Variants in MED12L observed in about 807,000 individuals in gnomAD.
MED12L encodes mediator complex subunit 12L, also known as mediator of RNA polymerase II transcription subunit 12-like protein.
A neutral mutation model predicts 281.3 loss-of-function variants in MED12L; 60 were observed. The ratio of observed to expected loss-of-function variants is 0.21; its 90% CI spans 0.17 to 0.26. The LOEUF (loss-of-function observed/expected upper bound fraction) is 0.26, where lower values mean the gene tolerates loss of function less well. Among genes scored for constraint, MED12L ranks in the 10% least tolerant of loss-of-function variants. The probability of loss-of-function intolerance (pLI) is 1.00; values close to 1 mark genes in which losing one functional copy is unlikely to be tolerated. For synonymous variants in MED12L, 974 were observed against 987.2 expected (o/e 0.99, Z 0.25); for missense variants, 2,146 against 2,680.9 (o/e 0.80, Z 4.41).
rs900744099 is a variant in MED12L, at chr3:151,229,414, C to A, written c.2250+35748C>A. Among the ~76,000 whole-genome samples the A allele has an allele frequency of 2.6e-4, 36 of 140,542 alleles. 1 individual carries two copies. The highest frequency in any genetic ancestry group is 8.3e-4 in the African/African-American group (31 of 37,336). The allele number at this position is 140,542 out of a possible 152,430, so 92.2% of individuals were successfully genotyped here. ...CCTCGCCTCCCGGGTTCAAGCGATT[C>A]TCCTGCGTCAGCCTCCCGAGTAGCT... On this transcript the variant is annotated intron_variant, in intron 16 of 44. Coordinates refer to ENST00000687756, the MANE Select transcript of MED12L (RefSeq NM_001393769.1).
intron 16 of MED12L, among the ~76,000 whole-genome samples, chr3:151,242,081 G>A (rs1209600314): frequency 6.6e-6 from 1 of 150,862 alleles, no homozygotes; most frequent in African/African-American, 2.4e-5. Flanking sequence ...TAAAAAACGG[G>A]GCACCACGAG....
intron 11 of MED12L, among the ~76,000 whole-genome samples, chr3:151,175,785 C>T (rs760408790): frequency 2.6e-5 from 4 of 152,146 alleles, no homozygotes; most frequent in Non-Finnish European, 4.4e-5. Flanking sequence ...GCAAATCCCC[C>T]GATGTTGAAA....
chr3:151,099,207 A>G (rs1281808617), intron 2 of MED12L, among the ~76,000 whole-genome samples: 1 of 152,246 alleles, frequency 6.6e-6, no homozygotes, highest in East Asian at 1.9e-4. Flanking sequence ...TTTGGATGGC[A>G]GAATCAATAA....
intron 16 of MED12L, among the ~76,000 whole-genome samples, chr3:151,210,520 C>G (rs184611890): frequency 5.9e-5 from 9 of 152,288 alleles, no homozygotes; most frequent in Admixed American, 2.0e-4. Context: ...TTACTCTTAT[C>G]TCAAATATTC....
rs149681093 is a variant in MED12L at position 151,168,172 on chromosome 3, G to A, written c.1494+2190G>A. 2.2e-3 allele frequency among the ~76,000 whole-genome samples: 341 copies of A among 152,276 alleles called. 1 individual carries two copies. Among genetic ancestry groups the A allele is most frequent in the Middle Eastern group, 6.8e-3 (2 of 294 alleles). On this transcript the variant is annotated intron_variant, in intron 11 of 44. Transcript: ENST00000687756. ...TTTCTGAATGAAATCACACTGTGAG[G>A]TTCTTTGTAAATCACAGATATCTCC...
At chr3:151,247,898 A>C (rs1272451085) in intron 16 of MED12L, among the ~76,000 whole-genome samples, 1 of 147,808 alleles carries the variant, frequency 6.8e-6, no homozygotes, top group Non-Finnish European at 1.5e-5. Flanking sequence ...CTTATAATGT[A>C]TTCAGAAGAC....
chr3:151,238,308 G>A (rs1226485483), intron 16 of MED12L, among the ~76,000 whole-genome samples: 2 of 152,056 alleles, frequency 1.3e-5, no homozygotes, highest in Non-Finnish European at 2.9e-5. Context: ...CACCTTGGCC[G>A]GCTAATTTTT....
intron 16 of MED12L, among the ~76,000 whole-genome samples, chr3:151,206,642 C>CTTTTTTTTTTTTTTTTTTT (rs747558778): frequency 5.7e-5 from 4 of 70,316 alleles, no homozygotes; most frequent in African/African-American, 1.2e-4. Context: ...AACACATTAT[C>CTTTTTTTTTTTTTTTTTTT]TTTTTTTTTT....
At chr3:151,313,077 G>A (rs746666240) in intron 16 of MED12L, among the ~76,000 whole-genome samples, 2 of 152,102 alleles carry the variant, frequency 1.3e-5, no homozygotes, top group South Asian at 2.1e-4. Flanking sequence ...ATGTGCTGTC[G>A]CTGGAGTGCT....
chr3:151,242,120 C>A (rs1384410054), intron 16 of MED12L, among the ~76,000 whole-genome samples: 1 of 152,168 alleles, frequency 6.6e-6, no homozygotes, highest in African/African-American at 2.4e-5. Flanking sequence ...CTCGGAGGGT[C>A]CTACGCCCAT....
At chr3:151,121,493 A>G (rs988799826) in intron 3 of MED12L, among the ~76,000 whole-genome samples, 1 of 152,316 alleles carries the variant, frequency 6.6e-6, no homozygotes, top group East Asian at 1.9e-4. Context: ...CTAATTGTTT[A>G]TTGACTCATT....
At chr3:151,346,496 T>TA (rs371118551) in intron 16 of MED12L, among the ~76,000 whole-genome samples, 20 of 152,282 alleles carry the variant, frequency 1.3e-4, no homozygotes, top group African/African-American at 4.8e-4. Flanking sequence ...CCCTGCCACT[T>TA]AGAGAAACTT....
intron 4 of MED12L, among the ~76,000 whole-genome samples, chr3:151,126,003 C>T (rs1714457150): frequency 6.6e-6 from 1 of 151,024 alleles, no homozygotes; most frequent in Non-Finnish European, 1.5e-5. Flanking sequence ...GACCTAAAGT[C>T]TCTTCAATTG....
intron 16 of MED12L, among the ~76,000 whole-genome samples, chr3:151,291,522 A>G (rs1274649322): frequency 4.6e-5 from 7 of 152,328 alleles, no homozygotes; most frequent in African/African-American, 1.7e-4. Flanking sequence ...TCTTTTCTGC[A>G]TAAAAGGAAG....
intron 26 of MED12L, among the ~76,000 whole-genome samples, chr3:151,369,923 G>T (rs1755973636): frequency 6.6e-6 from 1 of 152,068 alleles, no homozygotes; most frequent in Admixed American, 6.5e-5. Context: ...ATTTTATCCA[G>T]ATTATATTTC....
chr3:151,230,213 A>T (rs1174441506), intron 16 of MED12L, among the ~76,000 whole-genome samples: 1 of 152,116 alleles, frequency 6.6e-6, no homozygotes, highest in Non-Finnish European at 1.5e-5. Context: ...TGACCTTGTG[A>T]TCCGCAAGTC....
chr3:151,313,877 T>C (rs143234137), intron 16 of MED12L, among the ~76,000 whole-genome samples: 2,273 of 150,304 alleles, frequency 0.015, 30 homozygotes, highest in Non-Finnish European at 0.024. Flanking sequence ...TGAGCAAAGA[T>C]CACGCGACTG....
At chr3:151,384,979 T>A (rs370472607) in intron 35 of MED12L, 51 bp from the exon 36 acceptor site, 2 of 1,000,120 alleles carry the variant, frequency 2.0e-6, no homozygotes, top group African/African-American at 3.2e-5. Flanking sequence ...TTTGCCTTCA[T>A]TGTAATTTCT....
chr3:151,186,791 T>C (rs137855496), intron 12 of MED12L, among the ~76,000 whole-genome samples: 9 of 152,332 alleles, frequency 5.9e-5, no homozygotes, highest in Non-Finnish European at 1.3e-4. Context: ...CACATTTATC[T>C]AGTTAATCTG....
Sources: gnomAD v4.1 joint callset for allele counts (sites outside exome capture counted in the v4.1 genomes callset) on GRCh38, gnomAD v4.1.1 for gene constraint, MANE v1.5 for transcripts, NCBI Gene and HGNC (gene_info 2026-07-23, HGNC 2026-07-21) for gene names.